Variants in DBH observed in about 807,000 individuals in gnomAD.
DBH encodes the protein dopamine beta-hydroxylase (dopamine beta-monooxygenase).
A neutral mutation model predicts 64.0 loss-of-function variants in DBH; 49 were observed. The observed-to-expected ratio is 0.77, with a 90% CI of 0.61 to 0.97. The LOEUF is 0.97. DBH is among the 50% of genes least tolerant of loss of function. The pLI is 0.00. For missense variants in DBH, 828 were observed against 826.6 expected (o/e 1.00, Z -0.02); for synonymous variants, 343 against 347.1 (o/e 0.99, Z 0.13).
At chr9:133,648,934 T>G (rs766386146) in intron 6 of DBH, among the ~76,000 whole-genome samples, 1 of 152,238 alleles carries the variant, frequency 6.6e-6, no homozygotes, top group Non-Finnish European at 1.5e-5. Flanking sequence ...ATGAAATTGC[T>G]GCTCAGAGAT....
intron 5 of DBH, among the ~76,000 whole-genome samples, chr9:133,647,516 C>G (rs998900804): frequency 1.3e-5 from 2 of 152,246 alleles, no homozygotes; most frequent in African/African-American, 4.8e-5. Context: ...CAGCATCTCA[C>G]CCGCACCTGA....
At chr9:133,657,413 GA>G in intron 11 of DBH, 184 bp downstream of exon 11, 1 of 46,082 alleles carries the variant, frequency 2.2e-5, no homozygotes, top group Non-Finnish European at 4.4e-5. Flanking sequence ...AGAGAGGAGA[GA>G]GGAGAGAGAG....
intron 9 of DBH, among the ~76,000 whole-genome samples, chr9:133,653,706 C>G (rs965127172): frequency 2.0e-5 from 3 of 152,138 alleles, no homozygotes; most frequent in African/African-American, 7.2e-5. Context: ...GCAGACAGTT[C>G]AAGGAGAATC....
rs775183355 is a variant in DBH, at chr9:133,657,244, G to C, written c.1722+15G>C. 4 of 1,613,286 alleles carry C rather than the reference G, an allele frequency of 2.5e-6. No individual in the cohort carries two copies. In the Admixed American group the frequency reaches 6.7e-5, roughly 27 times the overall value. ...TCCGCTTCCAGGTGCGCTGCCATGG[G>C]CCCGGGTGGGGCATGCAGTCAGGCA... On this transcript the variant is annotated intron_variant, in intron 11 of 11. Coordinates refer to ENST00000393056, the MANE Select transcript of DBH (RefSeq NM_000787.4).
intron 11 of DBH, among the ~76,000 whole-genome samples, chr9:133,658,081 G>A (rs1053321357): frequency 6.6e-6 from 1 of 151,878 alleles, no homozygotes; most frequent in Admixed American, 6.6e-5. Flanking sequence ...GACAGAGGCG[G>A]GGAGAGGCCT....
rs1375908894 is a variant in DBH at position 133,651,631 on chromosome 9, C to A, written c.1192-3C>A. 2 of 1,613,554 alleles carry A rather than the reference C, an allele frequency of 1.2e-6. No individual in the cohort carries two copies. The highest frequency in any genetic ancestry group is 3.3e-5 in the Admixed American group (2 of 60,028). ...CTGACACTGCAGCCCCCCGACCCCA[C>A]AGGCACTGCCTCCCTCCGGGATCCA... On this transcript the variant is annotated splice_region_variant and splice_polypyrimidine_tract_variant and intron_variant, in intron 6 of 11. Coordinates refer to ENST00000393056, the MANE Select transcript of DBH (RefSeq NM_000787.4).
At chr9:133,640,044 T>C in intron 2 of DBH, 52 bp downstream of exon 2, 1 of 1,597,006 alleles carries the variant, frequency 6.3e-7, no homozygotes. Flanking sequence ...TGTATCATGC[T>C]GCCATCCTGT....
chr9:133,645,073 C>T (rs557939620), intron 5 of DBH, among the ~76,000 whole-genome samples: 22 of 152,162 alleles, frequency 1.4e-4, no homozygotes, highest in Non-Finnish European at 2.4e-4. Flanking sequence ...GCAGAAGTGG[C>T]CTAAGAGATA....
intron 11 of DBH, 50 bp from the exon 12 acceptor site, chr9:133,658,266 C>T (rs781258949): frequency 6.2e-7 from 1 of 1,609,402 alleles, no homozygotes; most frequent in South Asian, 1.1e-5. Flanking sequence ...GAAGCAGCCA[C>T]CCATCTTGCC....
At chr9:133,652,485 C>A (rs905768216) in intron 8 of DBH, among the ~76,000 whole-genome samples, 1 of 152,080 alleles carries the variant, frequency 6.6e-6, no homozygotes, top group Non-Finnish European at 1.5e-5. Flanking sequence ...CATGGAGAGA[C>A]GTTGGAAAGA....
At chr9:133,656,929 G>C in intron 10 of DBH, 141 bp from the exon 11 acceptor site, 3 of 1,038,058 alleles carry the variant, frequency 2.9e-6, no homozygotes, top group Non-Finnish European at 4.4e-6. Flanking sequence ...GTGGCCTGGC[G>C]GAGGCAGCGG....
Position 133,643,123 on chromosome 9 carries a change from G to A in DBH, c.745-290G>A, listed in dbSNP as rs1832136787. ...TCAGGGCTGCCCTGCCTCCCACTGG[G>A]GCTGCAGGAGCTGGCCCGGCCACAG... On this transcript the variant is annotated intron_variant, in intron 3 of 11. Coordinates refer to ENST00000393056, the MANE Select transcript of DBH (RefSeq NM_000787.4). This position sits in a 1 kb window ranked among gnomAD's most constrained non-coding sequence, Gnocchi z 5.3. Among the ~76,000 whole-genome samples the A allele has an allele frequency of 6.6e-6, 1 of 152,180 alleles. No homozygotes were observed.
chr9:133,652,112 C>A, intron 7 of DBH, 134 bp from the exon 8 acceptor site: 1 of 990,104 alleles, frequency 1.0e-6, no homozygotes, highest in Non-Finnish European at 1.6e-6. Flanking sequence ...GCTCTGGCTT[C>A]CACTGTAGAG....
rs1187757323 is a variant in DBH at position 133,644,339 on chromosome 9, A to G, written c.1024+19A>G. ...ATAGAAGGTAGGCGGCTCTGCTGCC[A>G]TCCTCCTCAGAAGCCCTAGGACTCA... On this transcript the variant is annotated intron_variant, in intron 5 of 11. Transcript: ENST00000393056. 4.4e-6 allele frequency: 7 copies of G among 1,591,498 alleles called. No homozygotes were observed. In the Admixed American group the frequency reaches 8.3e-5, roughly 19 times the overall value.
At chr9:133,645,753 C>G (rs1832174345) in intron 5 of DBH, among the ~76,000 whole-genome samples, 1 of 152,120 alleles carries the variant, frequency 6.6e-6, no homozygotes, top group South Asian at 2.1e-4. Flanking sequence ...GTGCCCTGCA[C>G]CCCAGTCCAC....
At chr9:133,654,639 A>C (rs1832292283) in intron 9 of DBH, 1 of 152,264 alleles carries the variant, frequency 6.6e-6, no homozygotes. Context: ...ATATCACAGC[A>C]GTGGCTGATG....
chr9:133,657,389 G>A, intron 11 of DBH, 160 bp downstream of exon 11: 2 of 650,676 alleles, frequency 3.1e-6, no homozygotes, highest in African/African-American at 2.0e-5. Flanking sequence ...TAGACAGCCA[G>A]CCAGCCAGCA....
chr9:133,655,979 C>T (rs3025419), intron 9 of DBH: 4,717 of 161,096 alleles, frequency 0.029, 225 homozygotes, highest in African/African-American at 0.1. Flanking sequence ...GAGGTTGTCG[C>T]GGCCTCTAGT....
At chr9:133,640,609 T>C (rs542585951) in intron 2 of DBH, among the ~76,000 whole-genome samples, 8 of 152,332 alleles carry the variant, frequency 5.3e-5, no homozygotes, top group African/African-American at 1.9e-4. Context: ...ACAAAACTCT[T>C]TTAACTCTAG....
Sources: allele counts gnomAD v4.1 joint callset (sites outside exome capture counted in the v4.1 genomes callset), GRCh38; gene constraint gnomAD v4.1.1; non-coding constraint Gnocchi (gnomAD v3.1); transcripts MANE v1.5; gene names NCBI Gene and HGNC (gene_info 2026-07-23, HGNC 2026-07-21).